The following LILRB4 variants were observed in gnomAD, a reference collection of about 807,000 sequenced individuals.
LILRB4 encodes leukocyte immunoglobulin like receptor B4.
Under a neutral mutation model 55.2 loss-of-function variants are expected in LILRB4, and 49 were observed. The ratio of observed to expected loss-of-function variants is 0.89; its 90% CI spans 0.71 to 1.13. LILRB4 has a LOEUF of 1.13. Among genes scored for constraint, LILRB4 ranks in the 50% most tolerant of loss-of-function variants. The probability of loss-of-function intolerance (pLI) is 0.00; values close to 1 mark genes in which losing one functional copy is unlikely to be tolerated. For missense variants in LILRB4, 590 were observed against 555.2 expected, an observed-to-expected ratio of 1.06 and a Z score of -0.63; for synonymous variants, 229 against 213.8, an observed-to-expected ratio of 1.07 and a Z score of -0.62.
In LILRB4 at chr19:54,667,414, A is replaced by G. The variant is rs150432311; in HGVS notation, c.1042-224A>G. The G allele has an allele frequency of 2.7e-3, 2,557 of 955,898 alleles. 18 individuals are homozygous for G. The highest frequency in any genetic ancestry group is 0.022 in the African/African-American group (1,271 of 59,092). 59.2% of individuals were successfully genotyped at this position (955,898 alleles called of 1,614,324 possible). A position where few individuals can be genotyped will look rare whatever the true frequency, so the allele number is the denominator to read the frequency against. ...CCCCGAGGCAGCAGCGAGCTCTTGC[A>G]GGAAGGCCGCGTGAGGCTGCAGCCA... On this transcript the variant is annotated intron_variant, in intron 10 of 11. Transcript: ENST00000430952.
chr19:54,665,924 G>A lies in LILRB4; in HGVS notation c.867G>A (p.Arg289=). 4.3e-6 allele frequency: 7 copies of A among 1,613,900 alleles called. No homozygotes were observed. The highest frequency in any genetic ancestry group is 5.9e-6 in the Non-Finnish European group (7 of 1,179,976). The change falls in exon 7 of 12, where the codon AGG becomes AGA. Residue 289 remains arginine (R), a synonymous_variant. Coordinates refer to ENST00000430952, the Ensembl canonical transcript of LILRB4. The surrounding 1 kb of genome is among the most constrained non-coding windows in gnomAD (Gnocchi z 5.5). ...AACACTGGCGTCAGGGAAAACACAG[G>A]ACATTGGGTAAGTAGGAAATTGGGG... is the stretch of plus-strand genomic sequence containing the variant.
chr19:54,668,567 T>C (rs1285666051), downstream of LILRB4: 1 of 152,152 alleles, frequency 6.6e-6, no homozygotes, highest in East Asian at 1.9e-4. Context: ...TAACAGAAAA[T>C]GTAGATGAGA....
At position 54,665,102 on chromosome 19, in the gene LILRB4, C is replaced by T; in HGVS notation, c.707-28C>T. On this transcript the variant is annotated intron_variant, in intron 5 of 11. Transcript: ENST00000430952. This position sits in a 1 kb window ranked among gnomAD's most constrained non-coding sequence, Gnocchi z 5.5. ...GCTGATGTGGGGAGCAGGGCAGCCC[C>T]AGCCCTCACATCCCTGTTCTAACCC... 1 of 1,610,010 alleles carries T rather than the reference C, an allele frequency of 6.2e-7. No individual in the cohort carries two copies.
chr19:54,666,454 A>G lies in LILRB4; in HGVS notation c.988+18A>G. 2 of 1,614,044 alleles carry G rather than the reference A, an allele frequency of 1.2e-6. No homozygotes were observed. The highest frequency in any genetic ancestry group is 1.7e-6 in the Non-Finnish European group (2 of 1,179,886). On this transcript the variant is annotated intron_variant, in intron 9 of 11. Transcript: ENST00000430952. The surrounding 1 kb of genome is among the most constrained non-coding windows in gnomAD (Gnocchi z 4.8). ...AAACTTCTGTGAGTGAGAGGCAGAGAAGGTGCACCTGGGGTGGAGCTGGGG... is the reference window on the plus strand; with the variant it reads ...AAACTTCTGTGAGTGAGAGGCAGAGGAGGTGCACCTGGGGTGGAGCTGGGG...
chr19:54,663,891 G>A (rs2065134203), exon 3 of LILRB4: 2 of 1,614,146 alleles, frequency 1.2e-6, no homozygotes, highest in African/African-American at 1.3e-5. Flanking sequence ...AGCACCCTGG[G>A]ACAGACAGAA....
intron 5 of LILRB4, 112 bp downstream of exon 5, chr19:54,664,961 G>A (rs765508983): frequency 1.2e-5 from 17 of 1,365,308 alleles, no homozygotes; most frequent in East Asian, 2.4e-5. Flanking sequence ...TTGCTTCCAC[G>A]GGTGTGGGAG....
intron 4 of LILRB4, 42 bp downstream of exon 4, chr19:54,664,527 G>C (rs375401811): frequency 6.5e-7 from 1 of 1,545,024 alleles, no homozygotes; most frequent in Non-Finnish European, 8.8e-7. Context: ...CAGTGGCTCC[G>C]TTCATGCCCT....
At chr19:54,663,612 A>G (rs117360657) in intron 2 of LILRB4, 45 bp downstream of exon 2, 453 of 1,612,776 alleles carry the variant, frequency 2.8e-4, no homozygotes, top group Non-Finnish European at 3.7e-4. Flanking sequence ...CCTCACTGGG[A>G]CAAGGGGCCA....
intron 1 of LILRB4, 78 bp downstream of exon 1, chr19:54,663,145 A>G: frequency 6.6e-7 from 1 of 1,521,412 alleles, no homozygotes; most frequent in Non-Finnish European, 8.9e-7. Flanking sequence ...GTTCTTTAGG[A>G]GACTCAAAAA....
chr19:54,663,793 C>G, exon 3 of LILRB4: 2 of 1,614,114 alleles, frequency 1.2e-6, no homozygotes, highest in Non-Finnish European at 1.7e-6. Flanking sequence ...GAGCCAGGCT[C>G]TGTGATCAGC....
In LILRB4 at chr19:54,666,428, A is replaced by G. The variant is rs759897340; in HGVS notation, c.980A>G (p.Glu327Gly). The stretch of plus-strand genomic sequence containing the variant: ...AGCCCAGCTGCTGACGTCCAGGGAG[A>G]AAACTTCTGTGAGTGAGAGGCAGAG... The change falls in exon 9 of 12, where the codon GAA becomes GGA. Residue 327 changes from glutamate (E) to glycine (G), a missense_variant. By Grantham distance (98) the Glu-to-Gly change is moderately conservative. Coordinates refer to ENST00000430952, the Ensembl canonical transcript of LILRB4. This position sits in a 1 kb window ranked among gnomAD's most constrained non-coding sequence, Gnocchi z 4.8. The G allele has an allele frequency of 6.2e-6, 10 of 1,614,026 alleles. No homozygotes were observed. The highest frequency in any genetic ancestry group is 8.5e-6 in the Non-Finnish European group (10 of 1,179,982).
intron 2 of LILRB4, 76 bp downstream of exon 2, chr19:54,663,643 G>C: frequency 6.2e-7 from 1 of 1,611,908 alleles, no homozygotes. Flanking sequence ...GCTGGGGGAG[G>C]AGACAGCAGT....
exon 12 of LILRB4, chr19:54,667,982 C>A: frequency 6.2e-7 from 1 of 1,614,154 alleles, no homozygotes; most frequent in Non-Finnish European, 8.5e-7. Flanking sequence ...GCCTCTCCAG[C>A]TGAGCCCAGT....
In LILRB4 at chr19:54,663,010, C is replaced by A. The variant is rs1191967054; in HGVS notation, c.-24C>A. 3 of 1,613,952 alleles carry A rather than the reference C, an allele frequency of 1.9e-6. No homozygotes were observed. The East Asian group carries it at 6.7e-5, about 36-fold the overall frequency. On this transcript the variant is annotated 5_prime_UTR_variant, in exon 1 of 12. The change creates a new upstream start codon in the 5' untranslated region. Transcript: ENST00000430952. The stretch of plus-strand genomic sequence containing the variant: ...ACTGAGGACTCATCCATCTGCACAG[C>A]TGGGGCCCCTGGGAGGAGACGCCAT...
chr19:54,666,739 TG>T lies in LILRB4; in HGVS notation c.1033del (p.Asp345ThrfsTer13). On this transcript the variant is annotated frameshift_variant, in exon 10 of 12. Coordinates refer to ENST00000430952, the Ensembl canonical transcript of LILRB4. LOFTEE classifies it high-confidence loss of function. This position sits in a 1 kb window ranked among gnomAD's most constrained non-coding sequence, Gnocchi z 4.8. Reference sequence around the variant, plus strand: ...ACACAGCCTGAGGACGGGGTGGAAATGGACACTCGGGTGAGAACCCGCCCCT... The same window carrying T: ...ACACAGCCTGAGGACGGGGTGGAAATGACACTCGGGTGAGAACCCGCCCCT... 1 of 1,614,080 alleles carries T rather than the reference TG, an allele frequency of 6.2e-7. No homozygotes were observed. The highest frequency in any genetic ancestry group is 2.2e-5 in the East Asian group (1 of 44,874).
At chr19:54,664,917 G>A in intron 5 of LILRB4, 68 bp downstream of exon 5, 1 of 1,485,004 alleles carries the variant, frequency 6.7e-7, no homozygotes, top group Non-Finnish European at 9.4e-7. Context: ...CATGCTCAGT[G>A]GATCTAAGTC....
chr19:54,663,242 C>T (rs1316612426), intron 1 of LILRB4, among the ~76,000 whole-genome samples, 175 bp downstream of exon 1: 9 of 151,784 alleles, frequency 5.9e-5, no homozygotes, highest in South Asian at 2.1e-4. Flanking sequence ...GTCAGGAGAT[C>T]GAGACCATCC....
Position 54,665,174 on chromosome 19 carries a change from C to G in LILRB4, c.751C>G (p.His251Asp), listed in dbSNP as rs1433720599. 17 of 1,601,020 alleles carry G rather than the reference C, an allele frequency of 1.1e-5. No individual in the cohort carries two copies. The highest frequency in any genetic ancestry group is 2.3e-5 in the East Asian group (1 of 44,066). The change falls in exon 6 of 12, where the codon CAC becomes GAC. Residue 251 changes from histidine (H) to aspartate (D), a missense_variant. His to Asp is a moderately conservative substitution (Grantham distance 81, BLOSUM62 -1). Transcript: ENST00000430952. This position sits in a 1 kb window ranked among gnomAD's most constrained non-coding sequence, Gnocchi z 5.5. Reference sequence around the variant, plus strand: ...CCTCATGCCTACAGGGTCAGTCCCCCACAGTGGTGAGTGAGGGGCTCTGAG... The same window carrying G: ...CCTCATGCCTACAGGGTCAGTCCCCGACAGTGGTGAGTGAGGGGCTCTGAG...
exon 11 of LILRB4, chr19:54,667,666 T>C (rs753499218): frequency 6.5e-5 from 105 of 1,609,836 alleles, no homozygotes; most frequent in Middle Eastern, 2.2e-4. Context: ...CCCCAGGCAG[T>C]GACGTATGCC....
Sources: allele counts gnomAD v4.1 joint callset (sites outside exome capture counted in the v4.1 genomes callset), GRCh38; gene constraint gnomAD v4.1.1; non-coding constraint Gnocchi (gnomAD v3.1); transcripts MANE v1.5; gene names NCBI Gene and HGNC (gene_info 2026-07-23, HGNC 2026-07-21).